Variants in HLCS observed in about 807,000 individuals in gnomAD.
The protein encoded by HLCS is holocarboxylase synthetase, also known as biotin--protein ligase.
HLCS carries 53 observed loss-of-function variants against 75.0 expected under a neutral mutation model. The observed-to-expected ratio is 0.71, with a 90% CI of 0.57 to 0.89. HLCS has a LOEUF of 0.89. Ranked by LOEUF, HLCS falls within the 40% of genes least tolerant of loss-of-function variation. The pLI, the probability that HLCS is intolerant of heterozygous loss-of-function variation, is 0.00. For missense variants in HLCS, 966 were observed against 1,074.0 expected (o/e 0.90, Z 1.41); for synonymous variants, 431 against 428.6 (o/e 1.01, Z -0.07).
At chr21:36,887,803 T>C (rs1311294629) in intron 6 of HLCS, among the ~76,000 whole-genome samples, 41 of 152,250 alleles carry the variant, frequency 2.7e-4, no homozygotes, top group Admixed American at 2.6e-3. Context: ...ATTACGCTAA[T>C]ATCCCATTAA....
At chr21:36,814,595 G>A (rs998526266) in intron 6 of HLCS, among the ~76,000 whole-genome samples, 11 of 152,340 alleles carry the variant, frequency 7.2e-5, no homozygotes, top group African/African-American at 2.6e-4. Flanking sequence ...AGTCCAGGAA[G>A]TAGAGAAAAG....
chr21:36,762,735 G>C (rs1046960225), intron 8 of HLCS, among the ~76,000 whole-genome samples: 2 of 152,240 alleles, frequency 1.3e-5, no homozygotes, highest in African/African-American at 4.8e-5. Context: ...ATTGGTACAA[G>C]CTTCTTAAGG....
chr21:36,925,018 C>T (rs1362748145), intron 5 of HLCS, among the ~76,000 whole-genome samples: 1 of 152,112 alleles, frequency 6.6e-6, no homozygotes, highest in African/African-American at 2.4e-5. Flanking sequence ...GTAGAAGGGC[C>T]TGTACCCGTT....
chr21:36,825,745 C>T (rs1428749314), intron 6 of HLCS, among the ~76,000 whole-genome samples: 3 of 152,178 alleles, frequency 2.0e-5, no homozygotes, highest in Non-Finnish European at 2.9e-5. Flanking sequence ...TCGGCAATGC[C>T]ACAGCATGAC....
chr21:36,766,185 G>C (rs56129442), intron 7 of HLCS, among the ~76,000 whole-genome samples: 2 of 151,890 alleles, frequency 1.3e-5, no homozygotes, highest in Non-Finnish European at 2.9e-5. Context: ...CACCATGCCC[G>C]GCTGATTTTT....
chr21:36,767,486 G>A (rs1376872861), intron 6 of HLCS, among the ~76,000 whole-genome samples: 1 of 152,206 alleles, frequency 6.6e-6, no homozygotes, highest in African/African-American at 2.4e-5. Flanking sequence ...GAGAATGAAA[G>A]AGATGAAGAA....
At chr21:36,774,914 T>C (rs1403017499) in intron 6 of HLCS, among the ~76,000 whole-genome samples, 1 of 152,248 alleles carries the variant, frequency 6.6e-6, no homozygotes, top group Non-Finnish European at 1.5e-5. Flanking sequence ...TTTATTGATA[T>C]ATTCTTCCAT....
At chr21:36,798,641 A>G (rs2145909795) in intron 6 of HLCS, among the ~76,000 whole-genome samples, 1 of 152,312 alleles carries the variant, frequency 6.6e-6, no homozygotes, top group Non-Finnish European at 1.5e-5. Context: ...ATCATTCTGC[A>G]TTCCCACCAG....
At chr21:36,835,213 C>A (rs1174700361) in intron 6 of HLCS, among the ~76,000 whole-genome samples, 1 of 152,168 alleles carries the variant, frequency 6.6e-6, no homozygotes, top group Non-Finnish European at 1.5e-5. Context: ...ATGGTTTAGT[C>A]TTTCCTAAAT....
chr21:36,775,083 C>T lies in HLCS; in HGVS notation c.1893-7798G>A, dbSNP rs184245099. On this transcript the variant is annotated intron_variant, in intron 6 of 10. Transcript: ENST00000674895. ...GACTGTTCAAAGAGCAGAGCCATCA[C>T]AATCCTCCCACTGGAGCTCCCCAGA... is the stretch of plus-strand genomic sequence containing the variant. 2.7e-4 allele frequency among the ~76,000 whole-genome samples: 41 copies of T among 152,326 alleles called. No homozygotes were observed. The East Asian group carries it at 7.5e-3, about 28-fold the overall frequency.
At chr21:36,894,855 T>C (rs1401386631) in intron 6 of HLCS, among the ~76,000 whole-genome samples, 1 of 151,924 alleles carries the variant, frequency 6.6e-6, no homozygotes, top group Non-Finnish European at 1.5e-5. Context: ...GGTTTTTTTT[T>C]TTTTAAGTTT....
At chr21:36,838,731 A>G (rs1262352704) in intron 6 of HLCS, among the ~76,000 whole-genome samples, 1 of 151,218 alleles carries the variant, frequency 6.6e-6, no homozygotes, top group Non-Finnish European at 1.5e-5. Flanking sequence ...AAAGAGAGAG[A>G]CAGAAAAGGA....
intron 2 of HLCS, among the ~76,000 whole-genome samples, chr21:36,946,637 A>G (rs543915147): frequency 6.6e-6 from 1 of 152,338 alleles, no homozygotes; most frequent in East Asian, 1.9e-4. Flanking sequence ...CATGAAAAAA[A>G]AAAACTTGAG....
At chr21:36,871,081 G>A (rs2063753117) in intron 6 of HLCS, among the ~76,000 whole-genome samples, 1 of 152,182 alleles carries the variant, frequency 6.6e-6, no homozygotes, top group Non-Finnish European at 1.5e-5. Context: ...GACCGGCCGT[G>A]TGCCCAGCAG....
chr21:36,782,735 G>A (rs950686101), intron 6 of HLCS, among the ~76,000 whole-genome samples: 9 of 152,256 alleles, frequency 5.9e-5, no homozygotes, highest in South Asian at 2.1e-4. Context: ...TTTGGAGGCC[G>A]AGGCAGGTGG....
chr21:36,826,022 A>G (rs909802516), intron 6 of HLCS, among the ~76,000 whole-genome samples: 1 of 151,292 alleles, frequency 6.6e-6, no homozygotes, highest in African/African-American at 2.5e-5. Flanking sequence ...TTAGAGTAAG[A>G]AGTTATTTTT....
chr21:36,923,160 T>C (rs564597823), intron 5 of HLCS, among the ~76,000 whole-genome samples: 48 of 152,336 alleles, frequency 3.2e-4, no homozygotes, highest in African/African-American at 1.1e-3. Flanking sequence ...GGGATGTGTT[T>C]TTTGAACTGG....
At chr21:36,892,803 T>C (rs1419449459) in intron 6 of HLCS, among the ~76,000 whole-genome samples, 1 of 152,212 alleles carries the variant, frequency 6.6e-6, no homozygotes, top group African/African-American at 2.4e-5. Flanking sequence ...TCAAGATCTA[T>C]ATCTAACATA....
At chr21:36,988,426 T>C (rs544828762) in intron 1 of HLCS, among the ~76,000 whole-genome samples, 1 of 152,366 alleles carries the variant, frequency 6.6e-6, no homozygotes, top group Non-Finnish European at 1.5e-5. Flanking sequence ...TGTGTGGATG[T>C]ACCAGGGTTT....
Sources: gnomAD v4.1 joint callset for allele counts (sites outside exome capture counted in the v4.1 genomes callset) on GRCh38, gnomAD v4.1.1 for gene constraint, MANE v1.5 for transcripts, NCBI Gene and HGNC (gene_info 2026-07-23, HGNC 2026-07-21) for gene names.